The following CFAP96 variants were observed in gnomAD, a reference collection of about 807,000 sequenced individuals.
The protein encoded by CFAP96 is cilia-and flagella-associated protein 96.
the CFAP96 span, among the ~76,000 whole-genome samples, chr4:185,428,757 A>G: frequency 6.6e-6 from 1 of 152,078 alleles, no homozygotes; most frequent in African/African-American, 2.4e-5. Context: ...TCTCGTTTTT[A>G]TCTTGCCTAA....
At chr4:185,414,159 C>A in the CFAP96 span, among the ~76,000 whole-genome samples, 2 of 152,076 alleles carry the variant, frequency 1.3e-5, no homozygotes, top group Admixed American at 1.3e-4. Flanking sequence ...TTATTTATTA[C>A]AACATAGTCT....
chr4:185,422,302 C>T, the CFAP96 span, among the ~76,000 whole-genome samples: 22 of 152,192 alleles, frequency 1.4e-4, no homozygotes, highest in African/African-American at 4.8e-4. Context: ...CACAGAGGTG[C>T]GCCATGGGCT....
At chr4:185,445,417 T>C in the CFAP96 span, 1 of 955,516 alleles carries the variant, frequency 1.0e-6, no homozygotes, top group Non-Finnish European at 1.6e-6. Context: ...TCATTTGAGA[T>C]GAGTTAGATA....
At chr4:185,415,765 T>G in the CFAP96 span, 1 of 1,613,904 alleles carries the variant, frequency 6.2e-7, no homozygotes, top group Non-Finnish European at 8.5e-7. Flanking sequence ...GGTAAAGTCA[T>G]ATTAACATAA....
At chr4:185,424,546 T>C in the CFAP96 span, among the ~76,000 whole-genome samples, 2 of 152,324 alleles carry the variant, frequency 1.3e-5, no homozygotes, top group Admixed American at 1.3e-4. Context: ...AAGGAAACAA[T>C]CAAGAAAGTT....
At chr4:185,440,618 G>T in the CFAP96 span, 1 of 1,533,192 alleles carries the variant, frequency 6.5e-7, no homozygotes. Flanking sequence ...CTATTTTGAC[G>T]CTAATCCTTA....
At chr4:185,449,643 A>C in the CFAP96 span, 1 of 1,532,776 alleles carries the variant, frequency 6.5e-7, no homozygotes, top group Non-Finnish European at 8.8e-7. Flanking sequence ...CCATCCTATT[A>C]GCAACTGGAA....
At chr4:185,420,772 T>G in the CFAP96 span, among the ~76,000 whole-genome samples, 1 of 152,228 alleles carries the variant, frequency 6.6e-6, no homozygotes, top group African/African-American at 2.4e-5. Context: ...ATTTTCTGAT[T>G]AATGAGAAGC....
chr4:185,441,565 G>A, the CFAP96 span, among the ~76,000 whole-genome samples: 128,775 of 151,588 alleles, frequency 0.85, 55,602 homozygotes, highest in East Asian at 0.99. Context: ...TTTCGGAGTG[G>A]CTCTCTTTAC....
chr4:185,443,342 A>ATATATATATATATATATATTT, the CFAP96 span, among the ~76,000 whole-genome samples: 3 of 26,720 alleles, frequency 1.1e-4, no homozygotes, highest in African/African-American at 2.3e-4. Flanking sequence ...ATATATATAT[A>ATATATATATATATATATATTT]TTTTTTTTTT....
chr4:185,441,249 T>C, the CFAP96 span, among the ~76,000 whole-genome samples: 2 of 152,220 alleles, frequency 1.3e-5, no homozygotes, highest in African/African-American at 4.8e-5. Flanking sequence ...CAGAAGTTAA[T>C]AAGTGAGAAT....
the CFAP96 span, among the ~76,000 whole-genome samples, chr4:185,444,178 C>A: frequency 6.6e-6 from 1 of 151,240 alleles, no homozygotes; most frequent in Admixed American, 6.6e-5. Flanking sequence ...TGGTCTCGAT[C>A]TCCTGACCTC....
At chr4:185,415,824 G>A in the CFAP96 span, 2 of 1,613,706 alleles carry the variant, frequency 1.2e-6, no homozygotes, top group Non-Finnish European at 1.7e-6. Flanking sequence ...AGCTGCCAGG[G>A]AGGTTGACAT....
At chr4:185,417,966 C>G in the CFAP96 span, among the ~76,000 whole-genome samples, 1 of 151,646 alleles carries the variant, frequency 6.6e-6, no homozygotes, top group Non-Finnish European at 1.5e-5. Flanking sequence ...ATCACTTGAA[C>G]CCGGGAGGCG....
the CFAP96 span, among the ~76,000 whole-genome samples, chr4:185,444,198 C>T: frequency 6.6e-6 from 1 of 151,548 alleles, no homozygotes; most frequent in Non-Finnish European, 1.5e-5. Flanking sequence ...CATGATCCAC[C>T]CGCCTCGGCC....
chr4:185,423,522 G>A, the CFAP96 span, among the ~76,000 whole-genome samples: 1 of 151,686 alleles, frequency 6.6e-6, no homozygotes, highest in Non-Finnish European at 1.5e-5. Flanking sequence ...ACAAAGATTC[G>A]GGTACATGGA....
chr4:185,425,810 C>T, the CFAP96 span: 2 of 1,583,166 alleles, frequency 1.3e-6, no homozygotes, highest in South Asian at 2.3e-5. Flanking sequence ...CCGCTCGTGG[C>T]GGCTGCCAAA....
the CFAP96 span, among the ~76,000 whole-genome samples, chr4:185,411,986 T>G: frequency 2.3e-4 from 35 of 152,262 alleles, no homozygotes; most frequent in African/African-American, 8.2e-4. Context: ...AAGGAAATGA[T>G]GAACACAAAA....
chr4:185,430,419 G>C, the CFAP96 span, among the ~76,000 whole-genome samples: 1 of 152,088 alleles, frequency 6.6e-6, no homozygotes, highest in African/African-American at 2.4e-5. Context: ...TTCTGAGACA[G>C]CATTTAAAAA....
Sources: allele counts gnomAD v4.1 joint callset (sites outside exome capture counted in the v4.1 genomes callset), GRCh38; gene constraint gnomAD v4.1.1; transcripts MANE v1.5; gene names NCBI Gene and HGNC (gene_info 2026-07-23, HGNC 2026-07-21).